Variants in ACRBP observed in about 807,000 individuals in gnomAD.
The protein encoded by ACRBP is acrosin binding protein, also known as acrosin-binding protein.
ACRBP carries 52 observed loss-of-function variants against 69.0 expected under a neutral mutation model. The observed-to-expected ratio is 0.75, with a 90% CI of 0.60 to 0.95. The LOEUF (loss-of-function observed/expected upper bound fraction) is 0.95. Ranked by LOEUF, ACRBP falls within the 40% of genes least tolerant of loss-of-function variation. The pLI is 0.00. For synonymous variants in ACRBP, 267 were observed against 258.9 expected, an observed-to-expected ratio of 1.03 and a Z score of -0.30; for missense variants, 604 against 673.0, an observed-to-expected ratio of 0.90 and a Z score of 1.13.
intron 3 of ACRBP, 29 bp from the exon 4 acceptor site, chr12:6,645,366 C>G (rs758241196): frequency 1.9e-6 from 3 of 1,557,878 alleles, no homozygotes; most frequent in African/African-American, 1.4e-5. Flanking sequence ...AATGGGAAAG[C>G]CTTTCCTAAA....
chr12:6,645,230 G>A lies in ACRBP; in HGVS notation c.465C>T (p.Pro155=), dbSNP rs778495838. Residue 155 remains proline, a synonymous_variant, in exon 4 of 10, where the codon CCC becomes CCT. Transcript: ENST00000229243. ...SPTTMTSPIS[P]HFTVTERQTF... ...CTGAGAGGGTCTCACCTGTGAAGTG[G>A]GGTGAGATGGGGGAGGTCATCGTGG... 2.5e-6 allele frequency: 4 copies of A among 1,611,392 alleles called. No individual in the cohort carries two copies. In the African/African-American group the frequency reaches 5.3e-5, roughly 22 times the overall value.
At position 6,640,433 on chromosome 12, in the gene ACRBP, G is replaced by A; in HGVS notation, c.1167C>T (p.Ala389=). 1 of 1,614,174 alleles carries A rather than the reference G, an allele frequency of 6.2e-7. No individual in the cohort carries two copies. The highest frequency in any genetic ancestry group is 8.5e-7 in the Non-Finnish European group (1 of 1,180,024). The change falls in exon 7 of 10, where the codon GCC becomes GCT. Residue 389 remains alanine (A), a synonymous_variant. Transcript: ENST00000229243. This position sits in a 1 kb window ranked among gnomAD's most constrained non-coding sequence, Gnocchi z 5.3. ...SLKLEQCHSE[A]SLQRQQCDTS... ...TGTCGCATTGTTGCCGCTGCAGGCT[G>A]GCCTCTGAGTGGCACTGCTCCAGCT...
rs978149516 is a variant in ACRBP at position 6,646,498 on chromosome 12, G to A, written c.342C>T (p.His114=). The change falls in exon 3 of 10, where the codon CAC becomes CAT. Residue 114 remains histidine (H), a synonymous_variant. Transcript: ENST00000229243. The part of the protein sequence containing the change: ...CQFTHYRCSN[H]VYYAKRVLCS... ...TGGGCCTCACCTTGGCATAGTAGACGTGGTTGGAGCAACGGTAGTGAGTGA... is the reference window on the plus strand; with the variant it reads ...TGGGCCTCACCTTGGCATAGTAGACATGGTTGGAGCAACGGTAGTGAGTGA... 5.0e-6 allele frequency: 8 copies of A among 1,614,062 alleles called. No individual in the cohort carries two copies. Among genetic ancestry groups the A allele is most frequent in the South Asian group, 1.1e-5 (1 of 91,086 alleles).
chr12:6,638,432 T>A, intron 9 of ACRBP, 28 bp from the exon 10 acceptor site: 1 of 1,613,514 alleles, frequency 6.2e-7, no homozygotes, highest in Non-Finnish European at 8.5e-7. Context: ...GCAGACGGTC[T>A]GTATCACAGA....
At position 6,644,423 on chromosome 12, in the gene ACRBP, C is replaced by G. The variant is rs1403572891; in HGVS notation, c.658G>C (p.Glu220Gln). ...TCTTCCTGTTCCTCTTCTTGCTCTT[C>G]CTGTTTCTGCCCCTCTTCCTGCTTG... ...EHKQEEGQKQ[E>Q]EQEEEQEEEG... The change falls in exon 5 of 10, where the codon GAA (glutamate) becomes CAA (glutamine). Residue 220 changes from glutamate (E) to glutamine (Q), a missense_variant. Glu to Gln is a conservative substitution (Grantham distance 29, BLOSUM62 2). This residue lies in a region of ACRBP where 532 missense variants were observed against 562.9 expected (regional missense o/e 0.95). Coordinates refer to ENST00000229243, the MANE Select transcript of ACRBP (RefSeq NM_032489.3). The G allele has an allele frequency of 1.2e-6, 2 of 1,614,126 alleles. No homozygotes were observed. The highest frequency in any genetic ancestry group is 1.7e-6 in the Non-Finnish European group (2 of 1,180,034).
At chr12:6,638,675 C>T (rs1949028993) in intron 9 of ACRBP, 12 of 1,415,690 alleles carry the variant, frequency 8.5e-6, no homozygotes, top group South Asian at 7.6e-5. Flanking sequence ...GGAGACAGAC[C>T]GAGACCTCAA....
chr12:6,640,426 G>T lies in ACRBP; in HGVS notation c.1174C>A (p.Gln392Lys). 1 of 1,614,212 alleles carries T rather than the reference G, an allele frequency of 6.2e-7. No individual in the cohort carries two copies. Among genetic ancestry groups the T allele is most frequent in the Non-Finnish European group, 8.5e-7 (1 of 1,180,028 alleles). ...LEQCHSEASL[Q>K]RQQCDTSHKT... ...TGGGAGGTGTCGCATTGTTGCCGCTGCAGGCTGGCCTCTGAGTGGCACTGC... is the reference window on the plus strand; with the variant it reads ...TGGGAGGTGTCGCATTGTTGCCGCTTCAGGCTGGCCTCTGAGTGGCACTGC... The change falls in exon 7 of 10, where the codon CAG (glutamine) becomes AAG (lysine). Residue 392 changes from glutamine (Q) to lysine (K), a missense_variant. Physicochemically the swap from Gln to Lys is moderately conservative, Grantham distance 53. Coordinates refer to ENST00000229243, the MANE Select transcript of ACRBP (RefSeq NM_032489.3). This position sits in a 1 kb window ranked among gnomAD's most constrained non-coding sequence, Gnocchi z 5.3.
Position 6,638,118 on chromosome 12 carries a change from C to T in ACRBP, c.*164G>A. 2 of 906,514 alleles carry T rather than the reference C, an allele frequency of 2.2e-6. No individual in the cohort carries two copies. Among genetic ancestry groups the T allele is most frequent in the Non-Finnish European group, 3.3e-6 (2 of 598,544 alleles). 56.2% of individuals were successfully genotyped at this position (906,514 alleles called of 1,614,324 possible). On this transcript the variant is annotated 3_prime_UTR_variant, in exon 10 of 10. Transcript: ENST00000229243. ...GTAAAGTCATCTTTTAAGGAGGGCG[C>T]AGCTCCCACCGTGGCCCTCTCTGGG...
Position 6,644,549 on chromosome 12 carries a change from C to A in ACRBP, c.532G>T (p.Glu178Ter). ...WPERLSNNVEELLQSSLSLGG... is the reference protein window; with the variant it reads ...WPERLSNNVE ...AGGGACAAGGAGGATTGTAGGAGCT[C>A]TTCCACGTTGTTGCTGAGCCTCTCA... The change falls in exon 5 of 10, where the codon GAG becomes TAG. Residue 178 changes from glutamate (E) to a stop codon, truncating the protein, a stop_gained. Coordinates refer to ENST00000229243, the MANE Select transcript of ACRBP (RefSeq NM_032489.3). LOFTEE classifies it high-confidence loss of function. 6.2e-7 allele frequency: 1 copy of A among 1,614,028 alleles called. No individual in the cohort carries two copies. The highest frequency in any genetic ancestry group is 8.5e-7 in the Non-Finnish European group (1 of 1,180,002).
intron 9 of ACRBP, chr12:6,638,672 G>A: frequency 1.4e-6 from 2 of 1,412,514 alleles, no homozygotes; most frequent in Non-Finnish European, 1.8e-6. Flanking sequence ...AGAGGAGACA[G>A]ACCGAGACCT....
At chr12:6,638,558 A>G in intron 9 of ACRBP, 154 bp from the exon 10 acceptor site, 2 of 1,270,950 alleles carry the variant, frequency 1.6e-6, no homozygotes, top group Middle Eastern at 2.4e-4. Flanking sequence ...GTGGGTTTTT[A>G]AAGCCAGAGG....
chr12:6,645,317 T>C lies in ACRBP; in HGVS notation c.378A>G (p.Pro126=), dbSNP rs1191814874. The C allele has an allele frequency of 3.7e-6, 6 of 1,613,580 alleles. No individual in the cohort carries two copies. In the Admixed American group the frequency reaches 1.0e-4, roughly 27 times the overall value. The part of the protein sequence containing the change: ...YYAKRVLCSQ[P]VSILSPNTLK... ...GAGTGTTAGGTGAGAGAATAGAGAC[T>C]GGCTGGGAACACAGGACTCTCTGCA... The change falls in exon 4 of 10, where the codon CCA becomes CCG. Residue 126 remains proline, a synonymous_variant. Transcript: ENST00000229243.
rs775291443 is a variant in ACRBP at position 6,646,827 on chromosome 12, C to A, written c.229G>T (p.Asp77Tyr). The A allele has an allele frequency of 1.9e-6, 3 of 1,614,100 alleles. No homozygotes were observed. The South Asian group carries it at 3.3e-5, about 18-fold the overall frequency. Residue 77 changes from aspartate to tyrosine, a missense_variant, in exon 2 of 10, where the codon GAC becomes TAC. Transcript: ENST00000229243. ...ACTAAGCCGTGGTTTTCATATTGGT[C>A]CAGCTGGACGAGTGTGGGATTCCGG... ...GCRNPTLVQL[D>Y]QYENHGLVPD...
rs190859640 is a variant in ACRBP at position 6,640,578 on chromosome 12, C to G, written c.1078-56G>C. 1.1e-4 allele frequency: 171 copies of G among 1,567,208 alleles called. No individual in the cohort carries two copies. The African/African-American group carries it at 2.1e-3, about 20-fold the overall frequency. ...TGAGAGTCAGCGGCCTGCCTTCTCC[C>G]ATGCCTCAGCCCTCCAGGGTGGGCC... On this transcript the variant is annotated intron_variant, in intron 6 of 9. Transcript: ENST00000229243. This position sits in a 1 kb window ranked among gnomAD's most constrained non-coding sequence, Gnocchi z 5.3.
At position 6,646,501 on chromosome 12, in the gene ACRBP, G is replaced by A. The variant is rs1384307251; in HGVS notation, c.339C>T (p.Asn113=). The change falls in exon 3 of 10, where the codon AAC becomes AAT. Residue 113 remains asparagine, a synonymous_variant. Transcript: ENST00000229243. ...FCQFTHYRCS[N]HVYYAKRVLC... ...GCCTCACCTTGGCATAGTAGACGTG[G>A]TTGGAGCAACGGTAGTGAGTGAACT... The A allele has an allele frequency of 6.2e-7, 1 of 1,614,128 alleles. No individual in the cohort carries two copies. The highest frequency in any genetic ancestry group is 1.1e-5 in the South Asian group (1 of 91,076).
At chr12:6,638,537 G>T in intron 9 of ACRBP, 133 bp from the exon 10 acceptor site, 1 of 1,348,940 alleles carries the variant, frequency 7.4e-7, no homozygotes, top group East Asian at 2.3e-5. Flanking sequence ...AGGGAAGGAG[G>T]AAACTCAAAT....
In ACRBP at chr12:6,640,512, C is replaced by G; in HGVS notation, c.1088G>C (p.Ser363Thr). The G allele has an allele frequency of 6.2e-7, 1 of 1,613,654 alleles. No individual in the cohort carries two copies. The highest frequency in any genetic ancestry group is 1.3e-5 in the African/African-American group (1 of 75,032). The stretch of plus-strand genomic sequence containing the variant: ...GGTAGACATGTGTCGCCGCCCAAGG[C>G]TGTCACAGACCTGGGGCAGGGGAAT... ...ILGFGKSVCDSLGRRHMSTCA... is the reference protein window; with the variant it reads ...ILGFGKSVCDTLGRRHMSTCA... The change falls in exon 7 of 10, where the codon AGC becomes ACC. Residue 363 changes from serine to threonine, a missense_variant. Around this residue, in one of 3 missense-constraint regions of ACRBP, gnomAD observed 532 missense variants for 562.9 expected, o/e 0.95. Transcript: ENST00000229243. The surrounding 1 kb of genome is among the most constrained non-coding windows in gnomAD (Gnocchi z 5.3).
chr12:6,638,519 G>A, intron 9 of ACRBP, 115 bp from the exon 10 acceptor site: 1 of 1,422,798 alleles, frequency 7.0e-7, no homozygotes, highest in Non-Finnish European at 9.7e-7. Flanking sequence ...ATGGGCACAG[G>A]GCAGTAGAGG....
In ACRBP at chr12:6,639,024, T is replaced by C; in HGVS notation, c.1439A>G (p.Asp480Gly). 2 of 1,614,052 alleles carry C rather than the reference T, an allele frequency of 1.2e-6. No individual in the cohort carries two copies. The highest frequency in any genetic ancestry group is 1.7e-6 in the Non-Finnish European group (2 of 1,179,930). The change falls in exon 9 of 10, where the codon GAC becomes GGC. Residue 480 changes from aspartate (D) to glycine (G), a missense_variant. Physicochemically the swap from Asp to Gly is moderately conservative, Grantham distance 94. This residue lies in a region of ACRBP where 21 missense variants were observed against 50.0 expected (regional missense o/e 0.42). Transcript: ENST00000229243. The part of the protein sequence containing the change: ...GDFPTKICDT[D>G]YIQYPNYCSF... ...ACAGTAGTTTGGGTACTGGATATAG[T>C]CTGTGTCACAAATCTAAGCCAAGAG...
Sources: allele counts gnomAD v4.1 joint callset, GRCh38; gene constraint gnomAD v4.1.1; regional missense constraint gnomAD v4.1.1; non-coding constraint Gnocchi (gnomAD v3.1); transcripts MANE v1.5; gene names NCBI Gene and HGNC (gene_info 2026-07-23, HGNC 2026-07-21).